The following CDH18 variants were observed in gnomAD, a reference collection of about 807,000 sequenced individuals.
The protein encoded by CDH18 is cadherin 18, also known as cadherin-18.
Under a neutral mutation model 67.9 loss-of-function variants are expected in CDH18, and 31 were observed. The observed-to-expected ratio is 0.46, with a 90% CI of 0.34 to 0.62. The LOEUF (loss-of-function observed/expected upper bound fraction) is 0.62. Among genes scored for constraint, CDH18 ranks in the 20% least tolerant of loss-of-function variants. The probability of loss-of-function intolerance (pLI) is 0.01; values close to 1 mark genes in which losing one functional copy is unlikely to be tolerated. For synonymous variants in CDH18, 362 were observed against 347.2 expected (o/e 1.04, Z -0.48); for missense variants, 890 against 975.5 (o/e 0.91, Z 1.17).
At chr5:20,275,833 G>A (rs181924670) in intron 1 of CDH18, among the ~76,000 whole-genome samples, 1 of 152,140 alleles carries the variant, frequency 6.6e-6, no homozygotes, top group South Asian at 2.1e-4. Context: ...CTATCTTCTG[G>A]CAGTGGCTGC....
chr5:19,890,681 G>C (rs186351180), intron 2 of CDH18, among the ~76,000 whole-genome samples: 45 of 150,230 alleles, frequency 3.0e-4, no homozygotes, highest in Non-Finnish European at 5.3e-4. Context: ...TGCAACCTCC[G>C]CATCCTGGGT....
intron 3 of CDH18, among the ~76,000 whole-genome samples, chr5:19,749,433 T>C (rs189235767): frequency 6.6e-6 from 1 of 151,590 alleles, no homozygotes; most frequent in African/African-American, 2.4e-5. Context: ...ATGATGAAAA[T>C]TGGCATTCAT....
intron 3 of CDH18, among the ~76,000 whole-genome samples, chr5:19,837,343 C>T (rs544983944): frequency 3.4e-4 from 52 of 151,910 alleles, no homozygotes; most frequent in African/African-American, 1.2e-3. Flanking sequence ...ACCACCATGG[C>T]ACGTGTATAC....
chr5:20,410,635 C>T (rs2150142919), intron 1 of CDH18, among the ~76,000 whole-genome samples: 1 of 151,318 alleles, frequency 6.6e-6, no homozygotes, highest in Admixed American at 6.6e-5. Flanking sequence ...TTAACATAAT[C>T]CTGTGAATCT....
intron 2 of CDH18, among the ~76,000 whole-genome samples, chr5:20,253,489 C>A (rs1347461451): frequency 6.6e-6 from 1 of 152,156 alleles, no homozygotes; most frequent in Non-Finnish European, 1.5e-5. Context: ...AACATTCAAA[C>A]CCCATCCAAG....
At chr5:19,820,521 C>A (rs1398865082) in intron 3 of CDH18, among the ~76,000 whole-genome samples, 1 of 152,184 alleles carries the variant, frequency 6.6e-6, no homozygotes, top group Non-Finnish European at 1.5e-5. Context: ...TAGACATACC[C>A]CACAACCCAC....
chr5:20,222,972 GATTT>G (rs1561889724), intron 2 of CDH18, among the ~76,000 whole-genome samples: 1 of 151,716 alleles, frequency 6.6e-6, no homozygotes, highest in African/African-American at 2.4e-5. Context: ...ATTTCTCCTA[GATTT>G]ATTTTTATTA....
At chr5:19,701,482 A>T (rs1200431534) in intron 5 of CDH18, among the ~76,000 whole-genome samples, 1 of 152,128 alleles carries the variant, frequency 6.6e-6, no homozygotes, top group Non-Finnish European at 1.5e-5. Flanking sequence ...TAAGACACAG[A>T]GTTATGAGGA....
rs540720901 is a variant in CDH18 at position 19,904,061 on chromosome 5, G to A, written c.-256-64819C>T. On this transcript the variant is annotated intron_variant, in intron 2 of 12. Coordinates refer to ENST00000382275, the MANE Select transcript of CDH18 (RefSeq NM_004934.5). ...GGCCGAGGCAGGCAGATCATCTGAG[G>A]TCAGGAATTCAAGGGCAGGTTGGCT... is the stretch of plus-strand genomic sequence containing the variant. Among the ~76,000 whole-genome samples the A allele has an allele frequency of 1.8e-3, 278 of 151,920 alleles. 2 individuals are homozygous for A. The highest frequency in any genetic ancestry group is 6.4e-3 in the African/African-American group (266 of 41,430).
intron 1 of CDH18, among the ~76,000 whole-genome samples, chr5:20,323,820 A>C (rs1434443406): frequency 6.6e-6 from 1 of 152,222 alleles, no homozygotes; most frequent in Non-Finnish European, 1.5e-5. Context: ...CATTATAGGA[A>C]ATATATAACA....
intron 2 of CDH18, among the ~76,000 whole-genome samples, chr5:20,014,367 G>T (rs919105880): frequency 2.6e-5 from 4 of 152,144 alleles, no homozygotes; most frequent in Middle Eastern, 3.4e-3. Context: ...GTCAGGATGA[G>T]AACTCTCCCA....
chr5:20,048,103 A>C (rs908116216), intron 2 of CDH18, among the ~76,000 whole-genome samples: 5 of 151,704 alleles, frequency 3.3e-5, no homozygotes, highest in African/African-American at 1.2e-4. Context: ...TCTCATTTGA[A>C]GTTTTTAGTA....
intron 5 of CDH18, among the ~76,000 whole-genome samples, chr5:19,719,957 G>GAA (rs869259013): frequency 6.7e-6 from 1 of 149,400 alleles, no homozygotes; most frequent in African/African-American, 2.5e-5. Flanking sequence ...AAGAAAGAAA[G>GAA]AAGGAAAGAG....
intron 2 of CDH18, among the ~76,000 whole-genome samples, chr5:20,101,845 G>C (rs187859845): frequency 6.6e-6 from 1 of 152,146 alleles, no homozygotes. Flanking sequence ...AGGCCGAGGC[G>C]GGCGGGTCAC....
At chr5:19,849,651 T>A (rs185773595) in intron 2 of CDH18, among the ~76,000 whole-genome samples, 33 of 37,418 alleles carry the variant, frequency 8.8e-4, no homozygotes, top group Admixed American at 1.4e-3. Flanking sequence ...CATATATATA[T>A]AAACATATAT....
chr5:19,729,479 C>G (rs1180767868), intron 4 of CDH18, among the ~76,000 whole-genome samples: 1 of 152,158 alleles, frequency 6.6e-6, no homozygotes, highest in Non-Finnish European at 1.5e-5. Flanking sequence ...TCTGCTGAAT[C>G]TTGTTTAATA....
chr5:19,639,175 T>G (rs755292135), intron 5 of CDH18, among the ~76,000 whole-genome samples: 3 of 151,938 alleles, frequency 2.0e-5, no homozygotes, highest in Non-Finnish European at 4.4e-5. Context: ...GCTAATTTTT[T>G]GTATTTTTAG....
At chr5:19,848,892 T>C (rs573634055) in intron 2 of CDH18, among the ~76,000 whole-genome samples, 24 of 149,808 alleles carry the variant, frequency 1.6e-4, no homozygotes, top group African/African-American at 5.1e-4. Flanking sequence ...CATATATGTA[T>C]ATAATGTGTA....
intron 1 of CDH18, among the ~76,000 whole-genome samples, chr5:20,377,017 C>CA (rs34122318): frequency 0.47 from 67,066 of 142,538 alleles, 16,655 homozygotes; most frequent in Middle Eastern, 0.68. Flanking sequence ...GACTCCGTCT[C>CA]AAAAAAAAAA....
Sources: gnomAD v4.1 joint callset for allele counts (sites outside exome capture counted in the v4.1 genomes callset) on GRCh38, gnomAD v4.1.1 for gene constraint, MANE v1.5 for transcripts, NCBI Gene and HGNC (gene_info 2026-07-23, HGNC 2026-07-21) for gene names.